Variants in GOLM1 observed in about 807,000 individuals in gnomAD.
GOLM1 encodes golgi membrane protein 1.
GOLM1 carries 31 observed loss-of-function variants against 50.5 expected under a neutral mutation model. The observed-to-expected ratio is 0.61, with a 90% CI of 0.46 to 0.83. The LOEUF (loss-of-function observed/expected upper bound fraction) is 0.83. Among genes scored for constraint, GOLM1 ranks in the 40% least tolerant of loss-of-function variants. GOLM1 has a pLI of 0.00. For missense variants in GOLM1, 491 were observed against 501.3 expected (o/e 0.98, Z 0.20); for synonymous variants, 178 against 192.8 (o/e 0.92, Z 0.64).
intron 3 of GOLM1, among the ~76,000 whole-genome samples, chr9:86,071,588 C>T (rs1322867046): frequency 2.0e-5 from 3 of 151,734 alleles, no homozygotes; most frequent in East Asian, 2.0e-4. Flanking sequence ...CTGTGAGAAA[C>T]GCTGTGAGGT....
intron 1 of GOLM1, among the ~76,000 whole-genome samples, chr9:86,084,608 G>C (rs977109909): frequency 1.3e-5 from 2 of 152,008 alleles, no homozygotes; most frequent in Non-Finnish European, 2.9e-5. Flanking sequence ...GGGTATATAG[G>C]AACTATATGT....
intron 3 of GOLM1, among the ~76,000 whole-genome samples, chr9:86,070,614 G>A (rs1471669452): frequency 6.6e-6 from 1 of 151,838 alleles, no homozygotes; most frequent in African/African-American, 2.4e-5. Context: ...CTAGATATGT[G>A]AGGGAATCTC....
At chr9:86,079,168 A>C in intron 2 of GOLM1, 24 bp downstream of exon 2, 2 of 1,497,688 alleles carry the variant, frequency 1.3e-6, no homozygotes, top group Non-Finnish European at 1.8e-6. Flanking sequence ...TAAAATAAAC[A>C]TAACAATAAA....
chr9:86,064,961 T>G (rs1834265559), intron 3 of GOLM1, among the ~76,000 whole-genome samples: 1 of 152,174 alleles, frequency 6.6e-6, no homozygotes, highest in Non-Finnish European at 1.5e-5. Context: ...ATGCACTTAC[T>G]GGAGGCTAGA....
chr9:86,051,054 G>C (rs1245262988), intron 4 of GOLM1, among the ~76,000 whole-genome samples: 3 of 152,140 alleles, frequency 2.0e-5, no homozygotes, highest in Non-Finnish European at 4.4e-5. Context: ...AGAGATTCTG[G>C]TATGTTGTGT....
At chr9:86,081,158 G>GCCCCTCAA (rs1455478895) in intron 1 of GOLM1, among the ~76,000 whole-genome samples, 1 of 151,462 alleles carries the variant, frequency 6.6e-6, no homozygotes, top group African/African-American at 2.4e-5. Flanking sequence ...AAAGTACTGG[G>GCCCCTCAA]ATTACAGGTA....
intron 3 of GOLM1, among the ~76,000 whole-genome samples, chr9:86,062,427 A>C (rs1391129279): frequency 2.0e-5 from 3 of 149,026 alleles, no homozygotes; most frequent in Non-Finnish European, 4.5e-5. Flanking sequence ...GAGGAAGGAG[A>C]GAGCAAAGGA....
intron 5 of GOLM1, 75 bp downstream of exon 5, chr9:86,046,395 T>C (rs1397042008): frequency 5.8e-6 from 5 of 859,954 alleles, no homozygotes; most frequent in Non-Finnish European, 9.9e-6. Context: ...TATCGGAGGT[T>C]ACATCTCAGC....
At chr9:86,065,968 A>G (rs759578793) in intron 3 of GOLM1, among the ~76,000 whole-genome samples, 2 of 152,166 alleles carry the variant, frequency 1.3e-5, no homozygotes, top group Non-Finnish European at 2.9e-5. Context: ...TGAACCCGGG[A>G]GGCGGAGGTT....
intron 2 of GOLM1, chr9:86,077,960 C>A (rs1402530209): frequency 2.0e-5 from 4 of 196,920 alleles, no homozygotes; most frequent in Non-Finnish European, 4.1e-5. Flanking sequence ...TTAGCAGATA[C>A]AATTTCTGAA....
At chr9:86,058,734 C>CGTG (rs2056925628) in intron 3 of GOLM1, among the ~76,000 whole-genome samples, 1 of 148,552 alleles carries the variant, frequency 6.7e-6, no homozygotes, top group South Asian at 2.2e-4. Context: ...AGGTGGCTCA[C>CGTG]GCCTGTAATC....
intron 1 of GOLM1, among the ~76,000 whole-genome samples, chr9:86,090,882 G>C (rs1835163625): frequency 6.6e-6 from 1 of 151,830 alleles, no homozygotes; most frequent in Non-Finnish European, 1.5e-5. Flanking sequence ...CAGGGCCCTG[G>C]TGGTGTAGGC....
chr9:86,064,895 G>A (rs369018392), intron 3 of GOLM1, among the ~76,000 whole-genome samples: 2 of 152,252 alleles, frequency 1.3e-5, no homozygotes, highest in South Asian at 2.1e-4. Context: ...ACAAAGGCTC[G>A]GAAGCTAAAA....
intron 3 of GOLM1, 132 bp from the exon 4 acceptor site, chr9:86,052,723 G>A (rs929828073): frequency 1.8e-5 from 14 of 759,540 alleles, no homozygotes; most frequent in Non-Finnish European, 3.1e-5. Flanking sequence ...CGCACTCAGC[G>A]CTCAGGCTGG....
At chr9:86,053,524 C>CCACACAT (rs1833854755) in intron 3 of GOLM1, among the ~76,000 whole-genome samples, 1 of 63,596 alleles carries the variant, frequency 1.6e-5, no homozygotes, top group Admixed American at 1.5e-4. Context: ...ACACAACACA[C>CCACACAT]CACTCCACAC....
intron 6 of GOLM1, 157 bp from the exon 7 acceptor site, chr9:86,036,664 G>T: frequency 1.5e-6 from 1 of 676,648 alleles, no homozygotes; most frequent in Non-Finnish European, 2.4e-6. Flanking sequence ...TCACGCCCTG[G>T]TCATGTGGCG....
At chr9:86,078,522 T>C (rs541343497) in intron 2 of GOLM1, among the ~76,000 whole-genome samples, 1 of 152,150 alleles carries the variant, frequency 6.6e-6, no homozygotes, top group South Asian at 2.1e-4. Context: ...TGGTCAAGGA[T>C]CAGGGGTAGA....
At chr9:86,065,064 C>G (rs1361518002) in intron 3 of GOLM1, among the ~76,000 whole-genome samples, 1 of 152,238 alleles carries the variant, frequency 6.6e-6, no homozygotes, top group Non-Finnish European at 1.5e-5. Flanking sequence ...CCCCGCTGGT[C>G]TCACGCTCTA....
intron 3 of GOLM1, among the ~76,000 whole-genome samples, chr9:86,074,608 T>TA (rs781246828): frequency 4.6e-5 from 7 of 152,176 alleles, no homozygotes; most frequent in Non-Finnish European, 8.8e-5. Flanking sequence ...GGGGGCTCTC[T>TA]AGGGTCTAGG....
Sources: gnomAD v4.1 joint callset for allele counts (sites outside exome capture counted in the v4.1 genomes callset) on GRCh38, gnomAD v4.1.1 for gene constraint, MANE v1.5 for transcripts, NCBI Gene and HGNC (gene_info 2026-07-23, HGNC 2026-07-21) for gene names.